SMURF2: variants seen among roughly 807,000 people sequenced by gnomAD.
SMURF2 encodes the protein E3 ubiquitin-protein ligase SMURF2.
In SMURF2, 48 loss-of-function variants were observed where a neutral mutation model predicts 109.6. The ratio of observed to expected loss-of-function variants is 0.44; its 90% CI spans 0.35 to 0.56. The LOEUF is 0.56. SMURF2 is among the 20% of genes least tolerant of loss of function. SMURF2 has a pLI of 0.01. For synonymous variants in SMURF2, 288 were observed against 317.1 expected, an observed-to-expected ratio of 0.91 and a Z score of 0.97; for missense variants, 575 against 909.0, an observed-to-expected ratio of 0.63 and a Z score of 4.72.
chr17:64,563,021 A>G, intron 10 of SMURF2, 55 bp from the exon 11 acceptor site: 1 of 1,431,934 alleles, frequency 7.0e-7, no homozygotes, highest in South Asian at 1.3e-5. Context: ...AAAAATTGCA[A>G]TTATAGATTT....
intron 1 of SMURF2, among the ~76,000 whole-genome samples, chr17:64,636,811 A>G (rs1031572275): frequency 6.6e-6 from 1 of 151,708 alleles, no homozygotes; most frequent in Non-Finnish European, 1.5e-5. Flanking sequence ...AGTTCTTTAT[A>G]TATTCTGTAT....
intron 1 of SMURF2, among the ~76,000 whole-genome samples, chr17:64,643,296 T>G (rs1363884955): frequency 1.3e-5 from 2 of 152,160 alleles, no homozygotes; most frequent in Non-Finnish European, 2.9e-5. Context: ...GTGCTGAGAT[T>G]ACAGGCATGA....
At chr17:64,651,832 G>A (rs1198747519) in intron 1 of SMURF2, among the ~76,000 whole-genome samples, 3 of 152,098 alleles carry the variant, frequency 2.0e-5, no homozygotes, top group Non-Finnish European at 4.4e-5. Flanking sequence ...TGAGGCGGGA[G>A]GATCACTTGA....
In SMURF2 at chr17:64,607,487, G is replaced by C. The variant is rs946863631; in HGVS notation, c.53-847C>G. Among the ~76,000 whole-genome samples, 4 of 152,072 alleles carry C rather than the reference G, an allele frequency of 2.6e-5. No homozygotes were observed. The South Asian group carries it at 8.3e-4, about 32-fold the overall frequency. ...CTAAAAATACAAAAATTAGCTGGGC[G>C]TGGTGGCGTGCGCCTGTAGTCCCAG... On this transcript the variant is annotated intron_variant, in intron 1 of 18. Transcript: ENST00000262435.
chr17:64,636,386 T>A lies in SMURF2; in HGVS notation c.52+25443A>T, dbSNP rs1555692080. On this transcript the variant is annotated intron_variant, in intron 1 of 18. Transcript: ENST00000262435. The stretch of plus-strand genomic sequence containing the variant: ...GGGAGGCTGAGGTTGGTGGATCACC[T>A]GAGATCAGGAGTTCAAGACCAGCCT... 5.3e-5 allele frequency among the ~76,000 whole-genome samples: 8 copies of A among 152,094 alleles called. No homozygotes were observed. In the South Asian group the frequency reaches 1.7e-3, roughly 32 times the overall value.
chr17:64,656,837 C>T (rs2144740374), intron 1 of SMURF2, among the ~76,000 whole-genome samples: 1 of 152,226 alleles, frequency 6.6e-6, no homozygotes, highest in South Asian at 2.1e-4. Context: ...CCAGTCCATC[C>T]TCCATACTGC....
At chr17:64,550,757 C>CAAAA (rs146307567) in intron 16 of SMURF2, among the ~76,000 whole-genome samples, 8 of 69,698 alleles carry the variant, frequency 1.1e-4, no homozygotes, top group East Asian at 4.8e-4. Flanking sequence ...ACTCTGTCTC[C>CAAAA]AAAAAAAAAA....
chr17:64,605,876 T>C lies in SMURF2; in HGVS notation c.91+726A>G, dbSNP rs924235760. Among the ~76,000 whole-genome samples the C allele has an allele frequency of 2.0e-5, 3 of 149,534 alleles. No homozygotes were observed. The East Asian group carries it at 5.8e-4, about 29-fold the overall frequency. On this transcript the variant is annotated intron_variant, in intron 2 of 18. Transcript: ENST00000262435. ...TTGAATTTAAAAATTTAATGAATCA[T>C]CTCTATTCTAATTTCAAATGTTTTA...
At chr17:64,561,662 A>ATC (rs1192983466) in intron 11 of SMURF2, 59 bp from the exon 12 acceptor site, 3 of 1,296,004 alleles carry the variant, frequency 2.3e-6, no homozygotes, top group Non-Finnish European at 3.2e-6. Context: ...CTATTACTTA[A>ATC]TCTCTCCCTG....
intron 10 of SMURF2, among the ~76,000 whole-genome samples, chr17:64,565,488 T>C (rs563798538): frequency 6.6e-6 from 1 of 152,292 alleles, no homozygotes; most frequent in East Asian, 1.9e-4. Flanking sequence ...CCCTTGCCCA[T>C]AAGTCATCTT....
At chr17:64,652,737 C>T (rs1341936893) in intron 1 of SMURF2, among the ~76,000 whole-genome samples, 4 of 152,120 alleles carry the variant, frequency 2.6e-5, no homozygotes, top group Admixed American at 1.3e-4. Context: ...CCTCCTGCCT[C>T]GGCCTCCCAA....
At chr17:64,654,065 C>T (rs1015174662) in intron 1 of SMURF2, among the ~76,000 whole-genome samples, 6 of 151,910 alleles carry the variant, frequency 3.9e-5, no homozygotes, top group Non-Finnish European at 5.9e-5. Flanking sequence ...GACAAGTTCT[C>T]GGTATTGAAG....
chr17:64,619,937 CCTCA>C (rs1970180437), intron 1 of SMURF2, among the ~76,000 whole-genome samples: 2 of 152,244 alleles, frequency 1.3e-5, no homozygotes, highest in African/African-American at 2.4e-5. Flanking sequence ...GTTTCTCTAG[CCTCA>C]CTCTCTTCCC....
At chr17:64,562,166 G>A (rs1969228757) in intron 11 of SMURF2, among the ~76,000 whole-genome samples, 1 of 150,424 alleles carries the variant, frequency 6.6e-6, no homozygotes, top group Non-Finnish European at 1.5e-5. Context: ...GGTAGCGTGT[G>A]CCTGTAGTCC....
chr17:64,577,744 G>A (rs920980553), intron 9 of SMURF2, among the ~76,000 whole-genome samples: 2 of 151,544 alleles, frequency 1.3e-5, no homozygotes, highest in Admixed American at 6.6e-5. Flanking sequence ...CACAACAGAT[G>A]TGCTCTACCA....
intron 15 of SMURF2, among the ~76,000 whole-genome samples, chr17:64,554,242 T>G (rs1969086924): frequency 6.6e-6 from 1 of 152,174 alleles, no homozygotes; most frequent in African/African-American, 2.4e-5. Flanking sequence ...CAGCTCCTCC[T>G]CCATGATGAA....
intron 1 of SMURF2, among the ~76,000 whole-genome samples, chr17:64,660,478 T>C (rs961121465): frequency 4.6e-5 from 7 of 152,200 alleles, no homozygotes; most frequent in Admixed American, 6.5e-5. Context: ...CAATTTTCCC[T>C]AGGGAAAGGA....
intron 1 of SMURF2, among the ~76,000 whole-genome samples, chr17:64,614,967 G>C (rs1970101533): frequency 6.6e-6 from 1 of 152,190 alleles, no homozygotes; most frequent in African/African-American, 2.4e-5. Flanking sequence ...ACCATTTGCA[G>C]AAGTACAGAT....
At chr17:64,567,091 C>T (rs1969325186) in intron 10 of SMURF2, among the ~76,000 whole-genome samples, 1 of 151,794 alleles carries the variant, frequency 6.6e-6, no homozygotes, top group Non-Finnish European at 1.5e-5. Context: ...CTCCTGGCCT[C>T]AAGTGATCTA....
Sources: gnomAD v4.1 joint callset for allele counts (sites outside exome capture counted in the v4.1 genomes callset) on GRCh38, gnomAD v4.1.1 for gene constraint, MANE v1.5 for transcripts, NCBI Gene and HGNC (gene_info 2026-07-23, HGNC 2026-07-21) for gene names.